Variants in RBM47 observed in about 807,000 individuals in gnomAD.
RBM47 encodes the protein RNA-binding protein 47.
RBM47 carries 21 observed loss-of-function variants against 47.1 expected under a neutral mutation model. That is an observed-to-expected ratio of 0.45 (90% CI 0.32 to 0.64). RBM47 has a LOEUF of 0.64. Among genes scored for constraint, RBM47 ranks in the 30% least tolerant of loss-of-function variants. The probability of loss-of-function intolerance (pLI) is 0.05; values close to 1 mark genes in which losing one functional copy is unlikely to be tolerated. For missense variants in RBM47, 708 were observed against 870.9 expected, an observed-to-expected ratio of 0.81 and a Z score of 2.35; for synonymous variants, 375 against 361.7, an observed-to-expected ratio of 1.04 and a Z score of -0.42.
At chr4:40,507,571 G>T (rs1362421033) in intron 2 of RBM47, among the ~76,000 whole-genome samples, 1 of 152,146 alleles carries the variant, frequency 6.6e-6, no homozygotes, top group Non-Finnish European at 1.5e-5. Context: ...GATGGATCAT[G>T]AAGTCAGGAA....
intron 1 of RBM47, among the ~76,000 whole-genome samples, chr4:40,576,687 T>A (rs564473561): frequency 1.3e-5 from 2 of 152,204 alleles, no homozygotes; most frequent in East Asian, 1.9e-4. Context: ...TCCTCTTGCC[T>A]GAGCCCCTCA....
In RBM47 at chr4:40,628,388, G is replaced by A. The variant is rs1206514335; in HGVS notation, c.-240+1008C>T. Among the ~76,000 whole-genome samples, 1 of 152,158 alleles carries A rather than the reference G, an allele frequency of 6.6e-6. No homozygotes were observed. Among genetic ancestry groups the A allele is most frequent in the African/African-American group, 2.4e-5 (1 of 41,424 alleles). ...CAAAGTGATCTCTTCTTATGCTCTA[G>A]GTTGAGTACTTTGGTTTATCTAGAG... On this transcript the variant is annotated intron_variant, in intron 1 of 6. Coordinates refer to ENST00000295971, the MANE Select transcript of RBM47 (RefSeq NM_001098634.2). The surrounding 1 kb of genome is among the most constrained non-coding windows in gnomAD (Gnocchi z 4.0).
intron 2 of RBM47, among the ~76,000 whole-genome samples, chr4:40,497,996 CA>C (rs1470182210): frequency 7.0e-6 from 1 of 143,736 alleles, no homozygotes; most frequent in Non-Finnish European, 1.5e-5. Context: ...ATCTCAAAAC[CA>C]AAACCAAAAC....
intron 2 of RBM47, among the ~76,000 whole-genome samples, chr4:40,483,492 T>C (rs1720691274): frequency 6.6e-6 from 1 of 152,110 alleles, no homozygotes; most frequent in South Asian, 2.1e-4. Context: ...GATTGGAGGA[T>C]TCTGAGCAGA....
At chr4:40,535,061 T>C (rs1727805980) in intron 2 of RBM47, among the ~76,000 whole-genome samples, 2 of 152,194 alleles carry the variant, frequency 1.3e-5, no homozygotes, top group African/African-American at 4.8e-5. Flanking sequence ...TGTTTTCTTA[T>C]TGACAAAATA....
At chr4:40,445,877 G>A (rs1318263859) in intron 3 of RBM47, among the ~76,000 whole-genome samples, 3 of 152,186 alleles carry the variant, frequency 2.0e-5, no homozygotes, top group Non-Finnish European at 4.4e-5. Context: ...TACTTCAGAA[G>A]TAGAAACTTA....
intron 1 of RBM47, among the ~76,000 whole-genome samples, chr4:40,560,709 G>A (rs1188857712): frequency 1.3e-5 from 2 of 152,206 alleles, no homozygotes; most frequent in Non-Finnish European, 2.9e-5. Flanking sequence ...GCTCATGCCT[G>A]TAATCCCAGC....
chr4:40,579,556 C>T (rs1046619034), intron 1 of RBM47, among the ~76,000 whole-genome samples: 7 of 151,584 alleles, frequency 4.6e-5, no homozygotes, highest in Non-Finnish European at 1.0e-4. Flanking sequence ...AAAATAAGAT[C>T]TGACTTAAGT....
chr4:40,580,950 C>T (rs924691977), intron 1 of RBM47, among the ~76,000 whole-genome samples: 3 of 152,178 alleles, frequency 2.0e-5, no homozygotes, highest in Admixed American at 6.5e-5. Context: ...CAAGGGCAAA[C>T]GCCCCATGGC....
At chr4:40,527,253 G>C (rs1726818245) in intron 2 of RBM47, among the ~76,000 whole-genome samples, 1 of 151,168 alleles carries the variant, frequency 6.6e-6, no homozygotes, top group South Asian at 2.1e-4. Flanking sequence ...CTCCCAAGTA[G>C]CTGGGACTAC....
chr4:40,446,443 A>G (rs184987066), intron 3 of RBM47, among the ~76,000 whole-genome samples: 1 of 152,316 alleles, frequency 6.6e-6, no homozygotes, highest in African/African-American at 2.4e-5. Context: ...TAGCACAAGA[A>G]AACTGAACTT....
In RBM47 at chr4:40,432,800, T is replaced by C; in HGVS notation, c.1393A>G (p.Ile465Val). 6.2e-7 allele frequency: 1 copy of C among 1,613,922 alleles called. No homozygotes were observed. The highest frequency in any genetic ancestry group is 8.5e-7 in the Non-Finnish European group (1 of 1,179,988). ...ACTGTGTGGATTTTGCCATCTTCAA[T>C]CATTTTAGGGGCTGGAGCTGCTGGA... ...MFPAAPAPKM[I>V]EDGKIHTVEH... is the part of the protein sequence containing the mutation. Residue 465 changes from isoleucine (I) to valine (V), a missense_variant, in exon 6 of 7, where the codon ATT (isoleucine) becomes GTT (valine). Ile to Val is a conservative substitution (Grantham distance 29). Transcript: ENST00000295971.
intron 1 of RBM47, among the ~76,000 whole-genome samples, chr4:40,605,178 G>A (rs1019026047): frequency 1.4e-4 from 21 of 148,928 alleles, no homozygotes; most frequent in Non-Finnish European, 3.1e-4. Context: ...ACCCGCCACC[G>A]CGCCCAGCTA....
At chr4:40,461,162 C>T (rs1717086641) in intron 3 of RBM47, among the ~76,000 whole-genome samples, 1 of 152,064 alleles carries the variant, frequency 6.6e-6, no homozygotes, top group Non-Finnish European at 1.5e-5. Context: ...TATGATTTCC[C>T]AGGTCTACTA....
intron 2 of RBM47, among the ~76,000 whole-genome samples, chr4:40,526,789 CTTTTTTTT>C (rs540484622): frequency 1.3e-4 from 8 of 61,592 alleles, no homozygotes; most frequent in African/African-American, 2.7e-4. Context: ...CAGTTTGGTT[CTTTTTTTT>C]TTTTTTTTTT....
At position 40,541,446 on chromosome 4, in the gene RBM47, T is replaced by C. The variant is rs553236594; in HGVS notation, c.-155+2976A>G. ...GCTCAGCAGTACTCTTGATAGAAAA[T>C]GTCAACACTGCTGGGTGTGGTGGCT... On this transcript the variant is annotated intron_variant, in intron 2 of 6. Transcript: ENST00000295971. Among the ~76,000 whole-genome samples, 4 of 152,168 alleles carry C rather than the reference T, an allele frequency of 2.6e-5. No individual in the cohort carries two copies. The East Asian group carries it at 7.7e-4, about 29-fold the overall frequency.
chr4:40,482,042 A>G (rs1720507309), intron 2 of RBM47, among the ~76,000 whole-genome samples: 1 of 152,142 alleles, frequency 6.6e-6, no homozygotes, highest in South Asian at 2.1e-4. Flanking sequence ...CCATGATGTG[A>G]TTTCTATTAA....
chr4:40,595,837 A>G (rs528067261), intron 1 of RBM47, among the ~76,000 whole-genome samples: 2 of 152,116 alleles, frequency 1.3e-5, no homozygotes, highest in East Asian at 3.9e-4. Context: ...CCCGGGAGGC[A>G]GAGCTTGCAG....
intron 2 of RBM47, among the ~76,000 whole-genome samples, chr4:40,542,186 C>G (rs1191793025): frequency 1.3e-5 from 2 of 152,290 alleles, no homozygotes; most frequent in East Asian, 3.9e-4. Flanking sequence ...AAAATCTGAT[C>G]ATCAGTCTGA....
Sources: allele counts gnomAD v4.1 joint callset (sites outside exome capture counted in the v4.1 genomes callset), GRCh38; gene constraint gnomAD v4.1.1; non-coding constraint Gnocchi (gnomAD v3.1); transcripts MANE v1.5; gene names NCBI Gene and HGNC (gene_info 2026-07-23, HGNC 2026-07-21).